Variants in ATRNL1 observed in about 807,000 individuals in gnomAD.
ATRNL1 encodes the protein attractin-like protein 1.
Under a neutral mutation model 182.7 loss-of-function variants are expected in ATRNL1, and 95 were observed. The ratio of observed to expected loss-of-function variants is 0.52; its 90% CI spans 0.44 to 0.62. The LOEUF (loss-of-function observed/expected upper bound fraction) is 0.62, where lower values mean the gene tolerates loss of function less well. ATRNL1 is among the 20% of genes least tolerant of loss of function. The pLI is 0.00. For synonymous variants in ATRNL1, 576 were observed against 568.3 expected, an observed-to-expected ratio of 1.01 and a Z score of -0.19; for missense variants, 1,471 against 1,679.5, an observed-to-expected ratio of 0.88 and a Z score of 2.17.
intron 5 of ATRNL1, among the ~76,000 whole-genome samples, chr10:115,151,395 C>T (rs149111473): frequency 6.6e-6 from 1 of 152,254 alleles, no homozygotes; most frequent in East Asian, 1.9e-4. Context: ...TGTTTCCTGA[C>T]TTTTTAATGA....
At chr10:115,656,845 T>C (rs1190330125) in intron 26 of ATRNL1, among the ~76,000 whole-genome samples, 1 of 152,194 alleles carries the variant, frequency 6.6e-6, no homozygotes, top group African/African-American at 2.4e-5. Flanking sequence ...CTATGATTAC[T>C]GTCACTCACT....
At chr10:115,536,783 T>C (rs1852047598) in intron 25 of ATRNL1, among the ~76,000 whole-genome samples, 1 of 152,180 alleles carries the variant, frequency 6.6e-6, no homozygotes, top group African/African-American at 2.4e-5. Flanking sequence ...CATTTAATCA[T>C]GTTGTACATA....
chr10:115,496,160 A>G (rs1849540457), intron 24 of ATRNL1, among the ~76,000 whole-genome samples: 1 of 151,840 alleles, frequency 6.6e-6, no homozygotes, highest in Non-Finnish European at 1.5e-5. Context: ...TCTGTTTTTC[A>G]TTTGCTCGGT....
At chr10:115,780,202 C>G (rs967265571) in intron 27 of ATRNL1, among the ~76,000 whole-genome samples, 4 of 152,178 alleles carry the variant, frequency 2.6e-5, no homozygotes, top group African/African-American at 9.7e-5. Context: ...CAGTGCTGCT[C>G]TGCCACAGGA....
chr10:115,376,866 G>A (rs951830111), intron 19 of ATRNL1, among the ~76,000 whole-genome samples: 1 of 151,982 alleles, frequency 6.6e-6, no homozygotes, highest in Non-Finnish European at 1.5e-5. Flanking sequence ...ATGTTTGATG[G>A]TGTCACATAG....
chr10:115,522,436 C>T (rs1167169665), intron 25 of ATRNL1, among the ~76,000 whole-genome samples: 1 of 152,104 alleles, frequency 6.6e-6, no homozygotes, highest in Non-Finnish European at 1.5e-5. Flanking sequence ...CATTTGCTAC[C>T]ATAAGGACAC....
At chr10:115,180,547 TA>T (rs1450117021) in intron 8 of ATRNL1, among the ~76,000 whole-genome samples, 2 of 151,980 alleles carry the variant, frequency 1.3e-5, no homozygotes, top group Non-Finnish European at 2.9e-5. Context: ...CATATCCTGA[TA>T]AACTATTGCA....
At chr10:115,737,607 C>T (rs1555066389) in intron 27 of ATRNL1, among the ~76,000 whole-genome samples, 1 of 152,066 alleles carries the variant, frequency 6.6e-6, no homozygotes, top group African/African-American at 2.4e-5. Context: ...TTCATTGTCA[C>T]CAATTTAAGA....
intron 24 of ATRNL1, among the ~76,000 whole-genome samples, chr10:115,474,531 A>G (rs1004005370): frequency 2.0e-5 from 3 of 151,214 alleles, no homozygotes; most frequent in Non-Finnish European, 4.4e-5. Flanking sequence ...AAGTTAATAG[A>G]TGCCTCGAGT....
intron 24 of ATRNL1, among the ~76,000 whole-genome samples, chr10:115,504,322 C>G (rs1434958584): frequency 6.6e-6 from 1 of 151,940 alleles, no homozygotes; most frequent in Non-Finnish European, 1.5e-5. Flanking sequence ...GCTGAACAAA[C>G]TAAATTAGGA....
At chr10:115,364,723 T>G (rs1225113532) in intron 19 of ATRNL1, among the ~76,000 whole-genome samples, 2,037 of 151,938 alleles carry the variant, frequency 0.013, 61 homozygotes, top group African/African-American at 0.046. Context: ...AGAGTTTTTA[T>G]CATGAAGGGT....
At chr10:115,776,450 CT>C (rs1263578409) in intron 27 of ATRNL1, among the ~76,000 whole-genome samples, 2 of 152,136 alleles carry the variant, frequency 1.3e-5, no homozygotes, top group Non-Finnish European at 2.9e-5. Context: ...GACACTTCTT[CT>C]GTTAAGAGGT....
chr10:115,227,096 C>G (rs1849730507), intron 9 of ATRNL1, among the ~76,000 whole-genome samples: 1 of 152,002 alleles, frequency 6.6e-6, no homozygotes, highest in African/African-American at 2.4e-5. Context: ...AACTACAGAG[C>G]TCTTCACAGC....
chr10:115,454,306 T>C (rs1847421174), intron 21 of ATRNL1, among the ~76,000 whole-genome samples: 2 of 152,140 alleles, frequency 1.3e-5, no homozygotes, highest in South Asian at 2.1e-4. Flanking sequence ...ATTATAGCCT[T>C]GTAATATATT....
chr10:115,930,218 C>T (rs1953352599), intron 28 of ATRNL1, among the ~76,000 whole-genome samples: 1 of 152,136 alleles, frequency 6.6e-6, no homozygotes, highest in African/African-American at 2.4e-5. Context: ...AATTACCAAA[C>T]AATGTGTTTT....
At chr10:115,898,314 C>T (rs575175357) in intron 28 of ATRNL1, among the ~76,000 whole-genome samples, 21 of 152,332 alleles carry the variant, frequency 1.4e-4, no homozygotes, top group African/African-American at 5.1e-4. Context: ...GACAAATTTA[C>T]TTTAAAATTA....
At chr10:115,867,227 A>G in intron 28 of ATRNL1, among the ~76,000 whole-genome samples, 1 of 152,342 alleles carries the variant, frequency 6.6e-6, no homozygotes, top group Middle Eastern at 3.4e-3. Flanking sequence ...AATTGAAAAT[A>G]TTAACTGTTT....
chr10:115,825,596 C>G (rs1024361945), intron 27 of ATRNL1, among the ~76,000 whole-genome samples: 2 of 152,086 alleles, frequency 1.3e-5, no homozygotes, highest in Non-Finnish European at 2.9e-5. Context: ...AAATGGCACA[C>G]AGACCCTTTG....
chr10:115,425,716 CT>C (rs1328332968), intron 20 of ATRNL1, among the ~76,000 whole-genome samples: 4 of 151,890 alleles, frequency 2.6e-5, no homozygotes, highest in Admixed American at 1.3e-4. Flanking sequence ...TTAGAGAAAC[CT>C]TTTTTTCCAA....
Sources: allele counts gnomAD v4.1 joint callset (sites outside exome capture counted in the v4.1 genomes callset), GRCh38; gene constraint gnomAD v4.1.1; transcripts MANE v1.5; gene names NCBI Gene and HGNC (gene_info 2026-07-23, HGNC 2026-07-21).